ADAMTSL1: variants seen among roughly 807,000 people sequenced by gnomAD.
The protein encoded by ADAMTSL1 is ADAMTS like 1.
A neutral mutation model predicts 201.8 loss-of-function variants in ADAMTSL1; 126 were observed. That is an observed-to-expected ratio of 0.62 (90% CI 0.54 to 0.72). The LOEUF (loss-of-function observed/expected upper bound fraction) is 0.72. Ranked by LOEUF, ADAMTSL1 falls within the 30% of genes least tolerant of loss-of-function variation. The pLI, the probability that ADAMTSL1 is intolerant of heterozygous loss-of-function variation, is 0.00. For missense variants in ADAMTSL1, 2,679 were observed against 2,277.8 expected, an observed-to-expected ratio of 1.18 and a Z score of -3.59; for synonymous variants, 1,121 against 903.4, an observed-to-expected ratio of 1.24 and a Z score of -4.32.
intron 20 of ADAMTSL1, 150 bp downstream of exon 20, chr9:18,795,674 A>G (rs1415428934): frequency 2.3e-6 from 2 of 864,588 alleles, no homozygotes; most frequent in Non-Finnish European, 3.5e-6. Context: ...ACAGCAGTGT[A>G]GTATGAGGTA....
At chr9:17,976,914 G>A (rs1273650338) in intron 1 of ADAMTSL1, among the ~76,000 whole-genome samples, 7 of 151,810 alleles carry the variant, frequency 4.6e-5, no homozygotes, top group African/African-American at 1.7e-4. Context: ...TTTCCTTCCT[G>A]ATCTTAGAGA....
At chr9:18,698,833 C>CT (rs1831736918) in intron 13 of ADAMTSL1, among the ~76,000 whole-genome samples, 1 of 152,184 alleles carries the variant, frequency 6.6e-6, no homozygotes, top group Admixed American at 6.5e-5. Flanking sequence ...TTCTTAGAAC[C>CT]TGATACCAAT....
At chr9:18,231,322 A>G in intron 2 of ADAMTSL1, among the ~76,000 whole-genome samples, 1 of 152,074 alleles carries the variant, frequency 6.6e-6, no homozygotes, top group East Asian at 1.9e-4. Context: ...TACCAAAACT[A>G]TCTTTGTCGA....
chr9:18,248,087 A>C (rs1452316962), intron 2 of ADAMTSL1, among the ~76,000 whole-genome samples: 2 of 152,210 alleles, frequency 1.3e-5, no homozygotes, highest in Non-Finnish European at 2.9e-5. Flanking sequence ...CAGGAAACCT[A>C]TCCCTTATTT....
intron 1 of ADAMTSL1, among the ~76,000 whole-genome samples, chr9:17,956,611 G>GCT (rs1323576595): frequency 1.3e-5 from 2 of 152,210 alleles, no homozygotes; most frequent in East Asian, 1.9e-4. Flanking sequence ...CAGTTTTCCT[G>GCT]CTCTCTCTCT....
At chr9:18,329,891 G>C (rs1302962566) in intron 2 of ADAMTSL1, among the ~76,000 whole-genome samples, 2 of 152,162 alleles carry the variant, frequency 1.3e-5, no homozygotes, top group Admixed American at 1.3e-4. Context: ...AACAGTCTCA[G>C]GCCATGATTT....
intron 23 of ADAMTSL1, among the ~76,000 whole-genome samples, chr9:18,881,729 G>A (rs1259394060): frequency 6.6e-6 from 1 of 152,166 alleles, no homozygotes; most frequent in Non-Finnish European, 1.5e-5. Context: ...ACAAATGCAG[G>A]ATCCATGAAG....
At chr9:18,224,345 G>A (rs1830368544) in intron 2 of ADAMTSL1, among the ~76,000 whole-genome samples, 1 of 152,114 alleles carries the variant, frequency 6.6e-6, no homozygotes, top group South Asian at 2.1e-4. Flanking sequence ...TCACATGACA[G>A]AAGGCAGAAG....
intron 2 of ADAMTSL1, among the ~76,000 whole-genome samples, chr9:18,178,505 C>G (rs145765117): frequency 6.6e-6 from 1 of 151,610 alleles, no homozygotes; most frequent in Admixed American, 6.6e-5. Flanking sequence ...CCGGGAAGCT[C>G]GAACTGGGTG....
chr9:18,088,685 T>G (rs748637779), intron 1 of ADAMTSL1, among the ~76,000 whole-genome samples: 27 of 152,310 alleles, frequency 1.8e-4, no homozygotes, highest in Middle Eastern at 6.8e-3. Flanking sequence ...CACAATGAGA[T>G]ATGACCTCAT....
intron 2 of ADAMTSL1, among the ~76,000 whole-genome samples, chr9:18,437,237 C>T (rs1429741165): frequency 6.6e-6 from 1 of 152,162 alleles, no homozygotes; most frequent in African/African-American, 2.4e-5. Flanking sequence ...CAGCATCCAC[C>T]TACCTAGGCT....
At position 18,024,467 on chromosome 9, in the gene ADAMTSL1, C is replaced by T. The variant is rs545700902; in HGVS notation, c.87+117545C>T. 3.9e-5 allele frequency among the ~76,000 whole-genome samples: 6 copies of T among 152,102 alleles called. No homozygotes were observed. The South Asian group carries it at 1.0e-3, about 26-fold the overall frequency. On this transcript the variant is annotated intron_variant, in intron 1 of 29. Transcript: ENST00000680146. ...GTGTCTATTGTTCCCATCTTTATGT[C>T]CCTGTGAATTCAATGTTTAGTTCCT... is the stretch of plus-strand genomic sequence containing the variant.
chr9:18,759,397 A>G (rs1819942624), intron 16 of ADAMTSL1, among the ~76,000 whole-genome samples: 1 of 152,222 alleles, frequency 6.6e-6, no homozygotes, highest in Non-Finnish European at 1.5e-5. Context: ...ACCTTCAAGC[A>G]AAGACAAAAA....
chr9:18,398,693 T>C (rs1817843991), intron 2 of ADAMTSL1, among the ~76,000 whole-genome samples: 1 of 152,178 alleles, frequency 6.6e-6, no homozygotes, highest in Non-Finnish European at 1.5e-5. Flanking sequence ...CTATTAGCAA[T>C]GATTAGAGAG....
At position 18,535,286 on chromosome 9, in the gene ADAMTSL1, T is replaced by C. The variant is rs143734163; in HGVS notation, c.237+1994T>C. ...GCATAAACAAGAGTCACCTTTGCTT[T>C]ACTTCCCAACAAGTTCCTTTTCTCC... On this transcript the variant is annotated intron_variant, in intron 3 of 28. Coordinates refer to ENST00000380548, the MANE Select transcript of ADAMTSL1 (RefSeq NM_001040272.6). Among the ~76,000 whole-genome samples the C allele has an allele frequency of 2.0e-5, 3 of 152,328 alleles. No homozygotes were observed. The East Asian group carries it at 5.8e-4, about 29-fold the overall frequency.
intron 2 of ADAMTSL1, among the ~76,000 whole-genome samples, chr9:18,171,740 A>G (rs1827899345): frequency 6.6e-6 from 1 of 152,074 alleles, no homozygotes; most frequent in African/African-American, 2.4e-5. Context: ...TGTTTTAGTC[A>G]TGAAGTCTTT....
At chr9:18,905,115 T>C (rs953191133) in intron 26 of ADAMTSL1, among the ~76,000 whole-genome samples, 1 of 152,210 alleles carries the variant, frequency 6.6e-6, no homozygotes, top group Non-Finnish European at 1.5e-5. Context: ...CTTGTTTTAC[T>C]GAAATAGCAG....
At chr9:18,048,217 TTCA>T (rs533449416) in intron 1 of ADAMTSL1, among the ~76,000 whole-genome samples, 191 of 152,340 alleles carry the variant, frequency 1.3e-3, no homozygotes, top group South Asian at 0.011. Flanking sequence ...AGTTTATTTT[TTCA>T]TCAACTCACA....
chr9:18,569,633 TC>T (rs1218141906), intron 3 of ADAMTSL1, among the ~76,000 whole-genome samples: 1 of 152,172 alleles, frequency 6.6e-6, no homozygotes, highest in African/African-American at 2.4e-5. Flanking sequence ...TGTGCATCCC[TC>T]CCACACTATA....
Sources: allele counts gnomAD v4.1 joint callset (sites outside exome capture counted in the v4.1 genomes callset), GRCh38; gene constraint gnomAD v4.1.1; transcripts MANE v1.5; gene names NCBI Gene and HGNC (gene_info 2026-07-23, HGNC 2026-07-21).